MBD5: variants seen among roughly 807,000 people sequenced by gnomAD.
MBD5 encodes the protein methyl-CpG-binding domain protein 5.
In MBD5, 13 loss-of-function variants were observed where a neutral mutation model predicts 117.3. The observed-to-expected ratio is 0.11, with a 90% CI of 0.07 to 0.18. MBD5 has a LOEUF of 0.18. Ranked by LOEUF, MBD5 falls within the 10% of genes least tolerant of loss-of-function variation. The pLI, the probability that MBD5 is intolerant of heterozygous loss-of-function variation, is 1.00. For missense variants in MBD5, 1,879 were observed against 2,093.8 expected, an observed-to-expected ratio of 0.90 and a Z score of 2.00; for synonymous variants, 727 against 766.4, an observed-to-expected ratio of 0.95 and a Z score of 0.85.
At chr2:148,355,138 A>C (rs1462166106) in intron 4 of MBD5, among the ~76,000 whole-genome samples, 2 of 151,564 alleles carry the variant, frequency 1.3e-5, no homozygotes, top group Non-Finnish European at 2.9e-5. Context: ...TTTTCTTGTA[A>C]ATTTTTTTAA....
intron 3 of MBD5, chr2:148,296,757 A>G (rs888735963): frequency 6.8e-6 from 1 of 147,840 alleles, no homozygotes; most frequent in African/African-American, 2.5e-5. Flanking sequence ...CCATTGCCCA[A>G]TTTTTTTTTT....
chr2:148,404,838 G>C (rs1256448081), intron 4 of MBD5, among the ~76,000 whole-genome samples: 1 of 151,988 alleles, frequency 6.6e-6, no homozygotes, highest in Non-Finnish European at 1.5e-5. Context: ...TTATTTTACA[G>C]TCTATTACTT....
intron 1 of MBD5, among the ~76,000 whole-genome samples, chr2:148,076,066 A>G (rs1695500650): frequency 6.6e-6 from 1 of 152,230 alleles, no homozygotes; most frequent in Non-Finnish European, 1.5e-5. Context: ...AGAAAGTAGT[A>G]GTATCCTGAT....
chr2:148,313,045 C>A (rs188986734), intron 3 of MBD5, among the ~76,000 whole-genome samples: 1 of 152,058 alleles, frequency 6.6e-6, no homozygotes, highest in Non-Finnish European at 1.5e-5. Flanking sequence ...GAGTGGCACC[C>A]GCTAGATGCC....
intron 4 of MBD5, among the ~76,000 whole-genome samples, chr2:148,413,695 G>A (rs568643046): frequency 6.6e-6 from 1 of 151,608 alleles, no homozygotes; most frequent in South Asian, 2.1e-4. Context: ...CTCATTCAAT[G>A]TTAGGAGGTT....
chr2:148,437,661 A>C lies in MBD5; in HGVS notation c.-556-20542A>C, dbSNP rs141073343. 4.5e-4 allele frequency among the ~76,000 whole-genome samples: 68 copies of C among 152,178 alleles called. 1 individual carries two copies. The East Asian group carries it at 6.4e-3, about 14-fold the overall frequency. On this transcript the variant is annotated intron_variant, in intron 4 of 13. Transcript: ENST00000642680. ...TTTACACAATGAAATAGGAAATAAT[A>C]ACATACATATCTTTGCAAGCAGAAA...
Position 148,514,089 on chromosome 2 carries a change from G to T in MBD5, c.*1148G>T, listed in dbSNP as rs1682291054. 1 of 152,086 alleles carries T rather than the reference G, an allele frequency of 6.6e-6. No individual in the cohort carries two copies. Among genetic ancestry groups the T allele is most frequent in the Non-Finnish European group, 1.5e-5 (1 of 68,016 alleles). The allele number at this position is 152,086 out of a possible 1,614,324, so 9.4% of individuals were successfully genotyped here. A position where few individuals can be genotyped will look rare whatever the true frequency, so the allele number is the denominator to read the frequency against. On this transcript the variant is annotated 3_prime_UTR_variant, in exon 14 of 14. Transcript: ENST00000642680. ...GTGGCTTACGGAATTATTAGCAATG[G>T]TAATTTTTTTATCAGTATTGTGTAA...
At chr2:148,349,813 T>C (rs1425751913) in intron 4 of MBD5, among the ~76,000 whole-genome samples, 2 of 152,042 alleles carry the variant, frequency 1.3e-5, no homozygotes, top group South Asian at 2.1e-4. Flanking sequence ...TTAAATCTTA[T>C]ATTACTTCCA....
rs1574477962 is a variant in MBD5, at chr2:148,483,922, A to G, written c.3331A>G (p.Thr1111Ala). The change falls in exon 9 of 14, where the codon ACC becomes GCC. Residue 1111 changes from threonine (T) to alanine (A), a missense_variant. This residue lies in a region of MBD5 where 1,666 missense variants were observed against 1,792.2 expected (regional missense o/e 0.93). Coordinates refer to ENST00000642680, the MANE Select transcript of MBD5 (RefSeq NM_001378120.1). ...TANHPEVSIA[T>A]SSQATTTTTT... is the part of the protein sequence containing the mutation. ...TAATCATCCAGAGGTTTCCATAGCA[A>G]CCTCCTCCCAGGCAACCACTACCAC... 2 of 1,550,426 alleles carry G rather than the reference A, an allele frequency of 1.3e-6. 1 individual carries two copies. Among genetic ancestry groups the G allele is most frequent in the Middle Eastern group, 3.3e-4 (2 of 5,990 alleles).
intron 3 of MBD5, among the ~76,000 whole-genome samples, chr2:148,331,050 C>T (rs1007715081): frequency 6.6e-6 from 1 of 152,126 alleles, no homozygotes; most frequent in African/African-American, 2.4e-5. Flanking sequence ...GTCATGGTTA[C>T]CAAATAAAGT....
chr2:148,084,982 A>T (rs761871915), intron 1 of MBD5, among the ~76,000 whole-genome samples: 1 of 152,230 alleles, frequency 6.6e-6, no homozygotes, highest in Non-Finnish European at 1.5e-5. Context: ...AACTACTGAG[A>T]TAGAAAATGT....
intron 3 of MBD5, among the ~76,000 whole-genome samples, chr2:148,309,051 C>T (rs184075938): frequency 2.2e-4 from 33 of 152,252 alleles, no homozygotes; most frequent in African/African-American, 7.5e-4. Flanking sequence ...GTTTTGGTTG[C>T]TGTAGCCTTG....
Position 148,265,716 on chromosome 2 carries a change from A to G in MBD5, c.-680+32321A>G, listed in dbSNP as rs534840235. 2.6e-5 allele frequency among the ~76,000 whole-genome samples: 4 copies of G among 152,308 alleles called. No homozygotes were observed. The South Asian group carries it at 8.3e-4, about 32-fold the overall frequency. ...TATGCATAAATATGTACATTTTGCA[A>G]TATGGATATTACAAGTTTTTGTGTT... On this transcript the variant is annotated intron_variant, in intron 3 of 13. Coordinates refer to ENST00000642680, the MANE Select transcript of MBD5 (RefSeq NM_001378120.1).
At chr2:148,411,387 G>A (rs1371073455) in intron 4 of MBD5, among the ~76,000 whole-genome samples, 2 of 151,980 alleles carry the variant, frequency 1.3e-5, no homozygotes, top group African/African-American at 2.4e-5. Context: ...TGGGTCGAGT[G>A]ACAATTCTGT....
intron 4 of MBD5, among the ~76,000 whole-genome samples, chr2:148,406,646 A>C (rs542998938): frequency 6.6e-6 from 1 of 151,934 alleles, no homozygotes; most frequent in Non-Finnish European, 1.5e-5. Flanking sequence ...CTCCTCACCT[A>C]TTTTTCCAAC....
chr2:148,198,273 G>T (rs1466830144), intron 2 of MBD5, among the ~76,000 whole-genome samples: 1 of 151,974 alleles, frequency 6.6e-6, no homozygotes, highest in Non-Finnish European at 1.5e-5. Flanking sequence ...TGTGTCTGTA[G>T]ATCCAACATG....
intron 3 of MBD5, among the ~76,000 whole-genome samples, chr2:148,309,235 T>C (rs1701968426): frequency 6.6e-6 from 1 of 152,216 alleles, no homozygotes; most frequent in South Asian, 2.1e-4. Flanking sequence ...ATCTATAAAT[T>C]ACTTTGGGCA....
intron 3 of MBD5, among the ~76,000 whole-genome samples, chr2:148,270,896 A>G (rs74721884): frequency 0.11 from 17,405 of 151,948 alleles, 1,348 homozygotes; most frequent in Non-Finnish European, 0.18. Context: ...GAAATTTTTT[A>G]ATTCCCTTTT....
At chr2:148,266,498 T>C (rs933764964) in intron 3 of MBD5, among the ~76,000 whole-genome samples, 2 of 152,012 alleles carry the variant, frequency 1.3e-5, no homozygotes, top group African/African-American at 4.8e-5. Context: ...TCATGCAAAC[T>C]TGTCAACATT....
Sources: gnomAD v4.1 joint callset for allele counts (sites outside exome capture counted in the v4.1 genomes callset) on GRCh38, gnomAD v4.1.1 for gene constraint, gnomAD v4.1.1 regional missense constraint, MANE v1.5 for transcripts, NCBI Gene and HGNC (gene_info 2026-07-23, HGNC 2026-07-21) for gene names.